Variants in CALHM4 observed in about 807,000 individuals in gnomAD.
CALHM4 encodes the protein calcium homeostasis modulator protein 4.
Under a neutral mutation model 13.3 loss-of-function variants are expected in CALHM4, and 16 were observed. The observed-to-expected ratio is 1.20, with a 90% confidence interval of 0.81 to 1.82. CALHM4 has a LOEUF of 1.82. CALHM4 is among the 40% of genes most tolerant of loss of function. CALHM4 has a pLI of 0.00. For missense variants in CALHM4, 344 were observed against 374.9 expected (o/e 0.92, Z 0.68); for synonymous variants, 127 against 137.1 (o/e 0.93, Z 0.52).
intron 1 of CALHM4, 41 bp from the exon 2 acceptor site, chr6:116,557,784 C>A: frequency 6.3e-7 from 1 of 1,581,354 alleles, no homozygotes; most frequent in Non-Finnish European, 8.6e-7. Flanking sequence ...ATATTTGATG[C>A]ATTGATACTT....
At position 116,557,708 on chromosome 6, in the gene CALHM4, AAATTTTATGTCCATATT is replaced by A; in HGVS notation, c.559-116_559-100del. 2.4e-6 allele frequency: 3 copies of A among 1,275,424 alleles called. No homozygotes were observed. The South Asian group carries it at 4.5e-5, about 19-fold the overall frequency. 79.0% of individuals were successfully genotyped at this position (1,275,424 alleles called of 1,614,324 possible). ...TTGATATACTAAAGATGGGAAAAGC[AAATTTTATGTCCATATT>A]TTAGTTCTTAGGTTTGTAGGAATCC... On this transcript the variant is annotated intron_variant, in intron 1 of 1. Coordinates refer to ENST00000368596, the MANE Select transcript of CALHM4 (RefSeq NM_001366078.2).
At chr6:116,550,734 C>T (rs1191547526), upstream of CALHM4, among the ~76,000 whole-genome samples, 2 of 151,980 alleles carry the variant, frequency 1.3e-5, no homozygotes, top group Non-Finnish European at 1.5e-5. Flanking sequence ...GATTTCTATT[C>T]TTTTAGTGAT....
chr6:116,530,902 CATAT>C (rs10557481), intron 1 of CALHM4, among the ~76,000 whole-genome samples: 12,051 of 75,912 alleles, frequency 0.16, 719 homozygotes, highest in Non-Finnish European at 0.19. Flanking sequence ...AAGTGAGACT[CATAT>C]ATATATATAT....
chr6:116,548,510 A>C (rs1773908697), intron 2 of CALHM4, among the ~76,000 whole-genome samples: 2 of 152,186 alleles, frequency 1.3e-5, no homozygotes, highest in South Asian at 4.1e-4. Flanking sequence ...ATCATCTACA[A>C]ACTCCTTTAC....
At chr6:116,554,459 C>G (rs1318132818) in intron 1 of CALHM4, 108 bp downstream of exon 1, 1 of 962,198 alleles carries the variant, frequency 1.0e-6, no homozygotes. Flanking sequence ...TTATAGAACA[C>G]AATACTAGAT....
At chr6:116,548,286 G>A (rs979210392) in intron 2 of CALHM4, among the ~76,000 whole-genome samples, 7 of 152,148 alleles carry the variant, frequency 4.6e-5, no homozygotes, top group African/African-American at 7.2e-5. Flanking sequence ...AACAATGCCA[G>A]CACCTTGATC....
intron 1 of CALHM4, among the ~76,000 whole-genome samples, chr6:116,555,233 T>C (rs973380128): frequency 1.3e-5 from 2 of 152,224 alleles, no homozygotes; most frequent in Non-Finnish European, 2.9e-5. Flanking sequence ...CCATTAGATA[T>C]GCTCTGTCTT....
At chr6:116,534,996 TA>T (rs1772987169) in intron 1 of CALHM4, among the ~76,000 whole-genome samples, 1 of 152,196 alleles carries the variant, frequency 6.6e-6, no homozygotes, top group Non-Finnish European at 1.5e-5. Flanking sequence ...GTAATCATCA[TA>T]TTGACATGGA....
intron 2 of CALHM4, chr6:116,545,324 C>T: frequency 1.8e-6 from 1 of 563,206 alleles, no homozygotes; most frequent in African/African-American, 1.9e-5. Context: ...ATAATTATTC[C>T]TAGATGTGTC....
chr6:116,532,265 C>CT lies in CALHM4; in HGVS notation c.-109+3083dup, dbSNP rs568617779. Among the ~76,000 whole-genome samples, 237 of 152,044 alleles carry CT rather than the reference C, an allele frequency of 1.6e-3. 3 individuals are homozygous for CT. The South Asian group carries it at 0.034, about 22-fold the overall frequency. On this transcript the variant is annotated intron_variant, in intron 1 of 2. Transcript: ENST00000368597. ...TTCTAGTATTTTCTCTCTTTTTTGTCTTTTTTTTCCTTTTTCTGGAGAACG... is the reference window on the plus strand; with the variant it reads ...TTCTAGTATTTTCTCTCTTTTTTGTCTTTTTTTTTCCTTTTTCTGGAGAACG...
chr6:116,536,912 A>T (rs1773130120), intron 1 of CALHM4, among the ~76,000 whole-genome samples: 1 of 151,150 alleles, frequency 6.6e-6, no homozygotes, highest in Non-Finnish European at 1.5e-5. Context: ...GATTAATAAG[A>T]TAATGCTGCC....
intron 1 of CALHM4, among the ~76,000 whole-genome samples, chr6:116,531,050 CT>C (rs1474958534): frequency 6.6e-6 from 1 of 151,700 alleles, no homozygotes; most frequent in Non-Finnish European, 1.5e-5. Flanking sequence ...TCCTGAGGGG[CT>C]CCCTATGATC....
intron 1 of CALHM4, chr6:116,540,485 G>A (rs1773379718): frequency 6.5e-7 from 1 of 1,545,294 alleles, no homozygotes. Flanking sequence ...GAAAGAGTGT[G>A]GTCTGAAAAT....
intron 1 of CALHM4, among the ~76,000 whole-genome samples, chr6:116,556,463 T>TGC (rs1370997710): frequency 1.3e-5 from 2 of 152,228 alleles, no homozygotes; most frequent in Non-Finnish European, 2.9e-5. Context: ...CTGAGATGGC[T>TGC]TTTCCTCCGC....
intron 2 of CALHM4, among the ~76,000 whole-genome samples, chr6:116,547,458 A>G (rs926786967): frequency 2.3e-4 from 35 of 152,314 alleles, no homozygotes; most frequent in African/African-American, 5.8e-4. Context: ...TTGACCTTCC[A>G]GTCAAGACAC....
upstream of CALHM4, among the ~76,000 whole-genome samples, chr6:116,553,038 C>T (rs1774150191): frequency 1.3e-5 from 2 of 152,214 alleles, no homozygotes; most frequent in East Asian, 3.8e-4. Context: ...CGCGCCACTG[C>T]ACTCCAGCCT....
chr6:116,539,455 T>C (rs900584499), intron 1 of CALHM4, among the ~76,000 whole-genome samples: 1 of 152,192 alleles, frequency 6.6e-6, no homozygotes, highest in South Asian at 2.1e-4. Flanking sequence ...GTAGAATTTT[T>C]CCCCACATAT....
chr6:116,556,829 A>G (rs762378189), intron 1 of CALHM4, among the ~76,000 whole-genome samples: 43 of 152,334 alleles, frequency 2.8e-4, no homozygotes, highest in Non-Finnish European at 5.3e-4. Context: ...TGTTTCAAAG[A>G]CACATAATGA....
rs1774432724 is a variant in CALHM4 at position 116,558,236 on chromosome 6, T to C, written c.*25T>C. The stretch of plus-strand genomic sequence containing the variant: ...ATTACAGCACCTTTCATGAGTCAGG[T>C]TGCTTAGCAGATACTTGGCTTTTAT... On this transcript the variant is annotated 3_prime_UTR_variant, in exon 2 of 2. Transcript: ENST00000368596. 6.3e-7 allele frequency: 1 copy of C among 1,584,346 alleles called. No individual in the cohort carries two copies. Among genetic ancestry groups the C allele is most frequent in the Non-Finnish European group, 8.6e-7 (1 of 1,166,702 alleles).
Sources: gnomAD v4.1 joint callset for allele counts (sites outside exome capture counted in the v4.1 genomes callset) on GRCh38, gnomAD v4.1.1 for gene constraint, MANE v1.5 for transcripts, NCBI Gene and HGNC (gene_info 2026-07-23, HGNC 2026-07-21) for gene names.